SERPINB7: variants seen among roughly 807,000 people sequenced by gnomAD.
SERPINB7 encodes serpin B7.
In SERPINB7, 31 loss-of-function variants were observed where a neutral mutation model predicts 37.4. That is an observed-to-expected ratio of 0.83 (90% CI 0.62 to 1.12). SERPINB7 has a LOEUF of 1.12. Ranked by LOEUF, SERPINB7 falls within the 50% of genes most tolerant of loss-of-function variation. The pLI is 0.00. For synonymous variants in SERPINB7, 163 were observed against 166.1 expected (o/e 0.98, Z 0.14); for missense variants, 521 against 455.3 (o/e 1.14, Z -1.31).
chr18:63,786,128 CGTATAT>C (rs2049367325), intron 2 of SERPINB7, among the ~76,000 whole-genome samples: 1 of 123,308 alleles, frequency 8.1e-6, no homozygotes, highest in African/African-American at 3.2e-5. Flanking sequence ...TATATATATA[CGTATAT>C]ACATATATAC....
chr18:63,755,905 C>T (rs1033418322), intron 1 of SERPINB7, among the ~76,000 whole-genome samples: 2 of 151,986 alleles, frequency 1.3e-5, no homozygotes, highest in African/African-American at 4.8e-5. Context: ...AAAACAAAAA[C>T]TTCTATTCAA....
intron 1 of SERPINB7, among the ~76,000 whole-genome samples, chr18:63,755,630 G>T (rs4264490): frequency 0.93 from 141,620 of 152,232 alleles, 66,328 homozygotes; most frequent in East Asian, 0.99. Context: ...CAGTGACTCA[G>T]TCCTGTAACC....
Position 63,791,775 on chromosome 18 carries a change from T to C in SERPINB7, c.169-618T>C, listed in dbSNP as rs553131512. On this transcript the variant is annotated intron_variant, in intron 2 of 7. Transcript: ENST00000398019. ...ATAGGCGCCCACCACCACAACCAGCTAATTTTTTGTATTTTTAGTAGAGAC... is the reference window on the plus strand; with the variant it reads ...ATAGGCGCCCACCACCACAACCAGCCAATTTTTTGTATTTTTAGTAGAGAC... 9.2e-5 allele frequency among the ~76,000 whole-genome samples: 13 copies of C among 141,562 alleles called. No individual in the cohort carries two copies. In the South Asian group the frequency reaches 2.1e-3, roughly 23 times the overall value. The allele number at this position is 141,562 out of a possible 152,430, so 92.9% of individuals were successfully genotyped here.
chr18:63,803,960 T>C (rs755116514), intron 7 of SERPINB7, among the ~76,000 whole-genome samples: 1 of 152,204 alleles, frequency 6.6e-6, no homozygotes, highest in Non-Finnish European at 1.5e-5. Flanking sequence ...ACGTTGGCTG[T>C]ATCTGCTCAT....
At chr18:63,760,858 T>C (rs1426277554) in intron 1 of SERPINB7, among the ~76,000 whole-genome samples, 2 of 152,210 alleles carry the variant, frequency 1.3e-5, no homozygotes, top group African/African-American at 4.8e-5. Context: ...TGTATAGAAA[T>C]TCCTGGATGC....
chr18:63,775,171 C>A (rs2049235949), upstream of SERPINB7, among the ~76,000 whole-genome samples: 1 of 152,062 alleles, frequency 6.6e-6, no homozygotes, highest in Admixed American at 6.6e-5. Context: ...CCCAGGCTGA[C>A]AGATACTGTT....
At chr18:63,756,629 C>T (rs1013598873) in intron 1 of SERPINB7, among the ~76,000 whole-genome samples, 2 of 152,140 alleles carry the variant, frequency 1.3e-5, no homozygotes, top group African/African-American at 2.4e-5. Flanking sequence ...GTAGAGGTTC[C>T]CACCTTCATG....
intron 1 of SERPINB7, among the ~76,000 whole-genome samples, chr18:63,755,055 G>A (rs1022240463): frequency 1.8e-4 from 28 of 151,924 alleles, no homozygotes; most frequent in African/African-American, 5.5e-4. Flanking sequence ...GCCCGCCACC[G>A]CGCCCGGCTA....
At chr18:63,772,027 C>T (rs1474579418), upstream of SERPINB7, among the ~76,000 whole-genome samples, 3 of 151,650 alleles carry the variant, frequency 2.0e-5, no homozygotes, top group African/African-American at 7.3e-5. Context: ...AGGTAAACTG[C>T]ATGTCGGCAG....
At chr18:63,787,260 T>C (rs2144622421) in intron 2 of SERPINB7, among the ~76,000 whole-genome samples, 1 of 152,292 alleles carries the variant, frequency 6.6e-6, no homozygotes, top group Non-Finnish European at 1.5e-5. Context: ...TCATTATGTG[T>C]CTTTAGTCAT....
Position 63,804,427 on chromosome 18 carries a change from CG to C in SERPINB7, c.941del (p.Gly314ValfsTer8). The C allele has an allele frequency of 1.2e-6, 2 of 1,613,650 alleles. No individual in the cohort carries two copies. The highest frequency in any genetic ancestry group is 1.1e-5 in the South Asian group (1 of 91,064). On this transcript the variant is annotated frameshift_variant, in exon 8 of 8. Transcript: ENST00000398019. LOFTEE classifies it high-confidence loss of function. Reference protein sequence around the residue: ...ESKADLSGIASGGRLYISRMM... With the variant: ...ESKADLSGIAXGGRLYISRMM... ...AAAGCAGATCTCTCTGGGATTGCTT[CG>C]GGGGGTCGTCTGTATATATCAAGGA...
intron 1 of SERPINB7, among the ~76,000 whole-genome samples, chr18:63,760,777 T>A (rs767308959): frequency 6.6e-6 from 1 of 152,208 alleles, no homozygotes; most frequent in Non-Finnish European, 1.5e-5. Flanking sequence ...AGCTTCCATG[T>A]GGTGTTGAGC....
chr18:63,788,533 C>A (rs1232182138), intron 2 of SERPINB7, among the ~76,000 whole-genome samples: 1 of 152,104 alleles, frequency 6.6e-6, no homozygotes, highest in Non-Finnish European at 1.5e-5. Flanking sequence ...CCAAAGTTAA[C>A]TTATTACTGA....
intron 2 of SERPINB7, among the ~76,000 whole-genome samples, chr18:63,784,138 G>C (rs1387865730): frequency 2.4e-4 from 36 of 152,136 alleles, no homozygotes; most frequent in Admixed American, 2.4e-3. Flanking sequence ...ACACTGAAGT[G>C]GGAATATTAC....
intron 1 of SERPINB7, among the ~76,000 whole-genome samples, chr18:63,756,073 A>G (rs950543312): frequency 7.3e-6 from 1 of 137,752 alleles, no homozygotes. Context: ...AATATAATAT[A>G]AATATTATAT....
intron 2 of SERPINB7, among the ~76,000 whole-genome samples, chr18:63,788,210 G>A (rs143604783): frequency 6.4e-4 from 97 of 152,314 alleles, no homozygotes; most frequent in African/African-American, 2.3e-3. Context: ...GTTATCATAG[G>A]ATATGATGGT....
intron 7 of SERPINB7, among the ~76,000 whole-genome samples, chr18:63,801,614 G>C (rs1219143143): frequency 6.6e-6 from 1 of 152,086 alleles, no homozygotes; most frequent in Non-Finnish European, 1.5e-5. Context: ...TAGTTTGGTG[G>C]GCAGCGGTCT....
rs1205483786 is a variant in SERPINB7, at chr18:63,805,283, G to C, written c.*648G>C. The stretch of plus-strand genomic sequence containing the variant: ...AAATATTAAAGATCTTTTAACTGTT[G>C]GCAGTTGTTATCTACAGAATCATAT... On this transcript the variant is annotated 3_prime_UTR_variant, in exon 8 of 8. Transcript: ENST00000398019. The C allele has an allele frequency of 2.6e-5, 4 of 152,120 alleles. No homozygotes were observed. Among genetic ancestry groups the C allele is most frequent in the African/African-American group, 9.7e-5 (4 of 41,384 alleles). The allele number at this position is 152,120 out of a possible 1,614,324, so 9.4% of individuals were successfully genotyped here. A position where few individuals can be genotyped will look rare whatever the true frequency, so the allele number is the denominator to read the frequency against.
chr18:63,789,758 A>G (rs2049407857), intron 2 of SERPINB7, among the ~76,000 whole-genome samples: 1 of 152,238 alleles, frequency 6.6e-6, no homozygotes, highest in Non-Finnish European at 1.5e-5. Context: ...TTCTCAAAAT[A>G]TAGTGAAAGG....
Sources: gnomAD v4.1 joint callset for allele counts (sites outside exome capture counted in the v4.1 genomes callset) on GRCh38, gnomAD v4.1.1 for gene constraint, MANE v1.5 for transcripts, NCBI Gene and HGNC (gene_info 2026-07-23, HGNC 2026-07-21) for gene names.